EIPR1: variants seen among roughly 807,000 people sequenced by gnomAD.
EIPR1 encodes the protein EARP complex and GARP complex interacting protein 1.
Under a neutral mutation model 48.1 loss-of-function variants are expected in EIPR1, and 25 were observed. The observed-to-expected ratio is 0.52, with a 90% confidence interval of 0.38 to 0.73. The LOEUF (loss-of-function observed/expected upper bound fraction) is 0.73, where lower values mean the gene tolerates loss of function less well. Among genes scored for constraint, EIPR1 ranks in the 30% least tolerant of loss-of-function variants. The probability of loss-of-function intolerance (pLI) is 0.00; values close to 1 mark genes in which losing one functional copy is unlikely to be tolerated. For missense variants in EIPR1, 415 were observed against 506.2 expected (o/e 0.82, Z 1.73); for synonymous variants, 204 against 201.9 (o/e 1.01, Z -0.09).
At position 3,199,922 on chromosome 2, in the gene EIPR1, TGGG is replaced by T. The variant is rs1161823051; in HGVS notation, c.517-2908_517-2906del. Reference sequence around the variant, plus strand: ...GGGTGTGTCTGCATCTGGGCACACATGGGGGGGTGTCCACATCTGGGCACGCAT... The same window carrying T: ...GGGTGTGTCTGCATCTGGGCACACATGGGGTGTCCACATCTGGGCACGCAT... On this transcript the variant is annotated intron_variant, in intron 5 of 8. Transcript: ENST00000382125. Among the ~76,000 whole-genome samples, 16 of 24,652 alleles carry T rather than the reference TGGG, an allele frequency of 6.5e-4. 1 individual carries two copies. Among genetic ancestry groups the T allele is most frequent in the Non-Finnish European group, 1.1e-3 (15 of 13,950 alleles). The allele number at this position is 24,652 out of a possible 152,430, so 16.2% of individuals were successfully genotyped here.
chr2:3,316,490 A>G (rs977497651), intron 3 of EIPR1, among the ~76,000 whole-genome samples: 1 of 152,132 alleles, frequency 6.6e-6, no homozygotes, highest in African/African-American at 2.4e-5. Context: ...CAAACTTCCT[A>G]TGAGGCAATC....
intron 4 of EIPR1, among the ~76,000 whole-genome samples, chr2:3,254,621 G>A (rs1667098791): frequency 6.6e-6 from 1 of 152,226 alleles, no homozygotes; most frequent in Non-Finnish European, 1.5e-5. Context: ...TACACTGTGG[G>A]TGATTCCATT....
chr2:3,215,418 T>A (rs1385159084), intron 4 of EIPR1, among the ~76,000 whole-genome samples: 2 of 152,250 alleles, frequency 1.3e-5, no homozygotes, highest in Non-Finnish European at 2.9e-5. Context: ...AGCCATTTCC[T>A]AATGTTTGAG....
Position 3,341,032 on chromosome 2 carries a change from G to A in EIPR1, c.127-2883C>T, listed in dbSNP as rs368597546. ...GAATCACTTGAAGCCTGGAGGGGGA[G>A]GTGCAGTGAGCCGAGATCACGCCAC... On this transcript the variant is annotated intron_variant, in intron 2 of 8. Transcript: ENST00000382125. Among the ~76,000 whole-genome samples the A allele has an allele frequency of 7.0e-3, 1,034 of 147,988 alleles. 12 individuals are homozygous for A. Among genetic ancestry groups the A allele is most frequent in the African/African-American group, 0.024 (965 of 39,724 alleles).
At chr2:3,295,532 C>CA (rs1558280421) in intron 3 of EIPR1, among the ~76,000 whole-genome samples, 1 of 81,182 alleles carries the variant, frequency 1.2e-5, no homozygotes, top group Non-Finnish European at 2.6e-5. Flanking sequence ...CATCGTCTCT[C>CA]CACACACACC....
intron 3 of EIPR1, among the ~76,000 whole-genome samples, chr2:3,306,430 G>T (rs1027925144): frequency 1.3e-5 from 2 of 152,034 alleles, no homozygotes; most frequent in African/African-American, 4.8e-5. Flanking sequence ...TGAAATTACG[G>T]TTGGGCCATA....
chr2:3,335,461 G>A (rs532288251), intron 3 of EIPR1, among the ~76,000 whole-genome samples: 22 of 152,122 alleles, frequency 1.4e-4, no homozygotes, highest in African/African-American at 2.4e-4. Flanking sequence ...GGTCCTGCAC[G>A]AGGGGGGTTT....
rs115001570 is a variant in EIPR1, at chr2:3,291,855, A to T, written c.260-34400T>A. On this transcript the variant is annotated intron_variant, in intron 3 of 8. Coordinates refer to ENST00000382125, the MANE Select transcript of EIPR1 (RefSeq NM_003310.5). ...GAGAAACACAATGTTATGTAAAGGTAAGTTGGTCACCTTCGCATGACCATG... is the reference window on the plus strand; with the variant it reads ...GAGAAACACAATGTTATGTAAAGGTTAGTTGGTCACCTTCGCATGACCATG... 5.7e-3 allele frequency among the ~76,000 whole-genome samples: 866 copies of T among 152,352 alleles called. 6 individuals are homozygous for T. The highest frequency in any genetic ancestry group is 0.02 in the African/African-American group (813 of 41,586).
intron 3 of EIPR1, chr2:3,319,171 G>C (rs1317226325): frequency 5.9e-6 from 2 of 338,534 alleles, no homozygotes; most frequent in African/African-American, 4.3e-5. Flanking sequence ...ACAAAAACCA[G>C]CAAGAAGAAA....
chr2:3,192,590 G>A lies in EIPR1; in HGVS notation c.822-9C>T. On this transcript the variant is annotated splice_polypyrimidine_tract_variant and intron_variant, in intron 7 of 8. Coordinates refer to ENST00000382125, the MANE Select transcript of EIPR1 (RefSeq NM_003310.5). ...AGCGGACGTTCCACACCCTGCAAAG[G>A]GCAAGGCAGCTGCTGAAATGAACTG... The A allele has an allele frequency of 6.2e-7, 1 of 1,608,112 alleles. No individual in the cohort carries two copies. Among genetic ancestry groups the A allele is most frequent in the Non-Finnish European group, 8.5e-7 (1 of 1,178,164 alleles).
chr2:3,294,922 C>CACT (rs1668496785), intron 3 of EIPR1, among the ~76,000 whole-genome samples: 1 of 127,364 alleles, frequency 7.9e-6, no homozygotes, highest in Non-Finnish European at 1.7e-5. Context: ...TGCACACACA[C>CACT]CCGCCATCCA....
At chr2:3,319,489 G>A (rs1370298429) in intron 3 of EIPR1, 1 of 161,820 alleles carries the variant, frequency 6.2e-6, no homozygotes, top group Non-Finnish European at 1.4e-5. Flanking sequence ...AAATAAGGAT[G>A]ATGAAAATGA....
rs1668178093 is a variant in EIPR1, at chr2:3,286,145, G to A, written c.260-28690C>T. ...CCAGCCAAGCCCCCAGGCACATGGAGCAGACACAAGCCACACCTGCTATCC... is the reference window on the plus strand; with the variant it reads ...CCAGCCAAGCCCCCAGGCACATGGAACAGACACAAGCCACACCTGCTATCC... On this transcript the variant is annotated intron_variant, in intron 3 of 8. Transcript: ENST00000382125. This position sits in a 1 kb window ranked among gnomAD's most constrained non-coding sequence, Gnocchi z 4.2. Among the ~76,000 whole-genome samples the A allele has an allele frequency of 6.6e-6, 1 of 152,176 alleles. No homozygotes were observed. The highest frequency in any genetic ancestry group is 1.5e-5 in the Non-Finnish European group (1 of 68,024).
At chr2:3,375,732 A>G (rs1246539940) in intron 1 of EIPR1, among the ~76,000 whole-genome samples, 2 of 152,226 alleles carry the variant, frequency 1.3e-5, no homozygotes, top group Admixed American at 6.5e-5. Context: ...ACAGGTAACT[A>G]TTCTCTCTGA....
chr2:3,306,506 T>C (rs568176833), intron 3 of EIPR1, among the ~76,000 whole-genome samples: 1 of 152,164 alleles, frequency 6.6e-6, no homozygotes, highest in Non-Finnish European at 1.5e-5. Context: ...AACTTTTGGC[T>C]CCCCAAAAAC....
chr2:3,364,631 C>T (rs1455817189), intron 1 of EIPR1, among the ~76,000 whole-genome samples: 2 of 150,754 alleles, frequency 1.3e-5, no homozygotes, highest in Non-Finnish European at 2.9e-5. Flanking sequence ...TGAGACCCTC[C>T]CTGTCTCAAA....
At chr2:3,370,550 G>C (rs1671089568) in intron 1 of EIPR1, among the ~76,000 whole-genome samples, 1 of 152,178 alleles carries the variant, frequency 6.6e-6, no homozygotes, top group Non-Finnish European at 1.5e-5. Context: ...TAAAGGAGCT[G>C]ATGGAGCTGA....
chr2:3,347,211 A>C (rs991154909), intron 2 of EIPR1, among the ~76,000 whole-genome samples: 2 of 152,136 alleles, frequency 1.3e-5, no homozygotes, highest in African/African-American at 4.8e-5. Context: ...TGAATTACCC[A>C]GTCTCGGGTA....
intron 5 of EIPR1, among the ~76,000 whole-genome samples, chr2:3,203,860 C>T (rs186786244): frequency 4.0e-4 from 61 of 152,344 alleles, no homozygotes; most frequent in Non-Finnish European, 7.8e-4. Context: ...CTGGAGGAAT[C>T]CAGGCCCTCA....
Sources: gnomAD v4.1 joint callset for allele counts (sites outside exome capture counted in the v4.1 genomes callset) on GRCh38, gnomAD v4.1.1 for gene constraint, Gnocchi (gnomAD v3.1) non-coding constraint, MANE v1.5 for transcripts, NCBI Gene and HGNC (gene_info 2026-07-23, HGNC 2026-07-21) for gene names.